NCAPD2: variants seen among roughly 807,000 people sequenced by gnomAD.
The protein encoded by NCAPD2 is condensin complex subunit 1.
NCAPD2 carries 100 observed loss-of-function variants against 164.5 expected under a neutral mutation model. The ratio of observed to expected loss-of-function variants is 0.61; its 90% CI spans 0.52 to 0.72. The LOEUF (loss-of-function observed/expected upper bound fraction) is 0.72. Among genes scored for constraint, NCAPD2 ranks in the 30% least tolerant of loss-of-function variants. The pLI is 0.00. For synonymous variants in NCAPD2, 585 were observed against 642.6 expected, an observed-to-expected ratio of 0.91 and a Z score of 1.36; for missense variants, 1,560 against 1,749.2, an observed-to-expected ratio of 0.89 and a Z score of 1.93.
intron 9 of NCAPD2, 45 bp downstream of exon 9, chr12:6,514,965 A>AAG (rs2137050067): frequency 6.2e-7 from 1 of 1,608,804 alleles, no homozygotes; most frequent in African/African-American, 1.3e-5. Flanking sequence ...TGGGGATTTT[A>AAG]AGTCCAGTGT....
chr12:6,527,100 C>T (rs780197413), intron 22 of NCAPD2, 37 bp downstream of exon 22: 2 of 1,569,940 alleles, frequency 1.3e-6, no homozygotes, highest in African/African-American at 2.7e-5. Context: ...AGATTTATTT[C>T]ATACCTCAGC....
intron 17 of NCAPD2, 21 bp from the exon 18 acceptor site, chr12:6,525,562 C>G (rs770975257): frequency 6.3e-7 from 1 of 1,586,400 alleles, no homozygotes; most frequent in South Asian, 1.1e-5. Flanking sequence ...TTGGCTTGAG[C>G]CCTTTTTCTT....
chr12:6,517,880 C>T lies in NCAPD2; in HGVS notation c.1510C>T (p.Pro504Ser). Residue 504 changes from proline to serine, a missense_variant, in exon 13 of 32, where the codon CCT becomes TCT. Pro to Ser is a moderately conservative substitution (Grantham distance 74). Coordinates refer to ENST00000315579, the MANE Select transcript of NCAPD2 (RefSeq NM_014865.4). ...GCTTCCCCAGGGAGAGGAGGAGATT[C>T]CTGAGCAAATTGCCAATACAGAGAC... ...LQLPQGEEEI[P>S]EQIANTETTE... 6.2e-7 allele frequency: 1 copy of T among 1,614,150 alleles called. No homozygotes were observed. Among genetic ancestry groups the T allele is most frequent in the Non-Finnish European group, 8.5e-7 (1 of 1,180,032 alleles).
intron 1 of NCAPD2, among the ~76,000 whole-genome samples, chr12:6,494,648 A>C (rs1945958815): frequency 6.6e-6 from 1 of 152,240 alleles, no homozygotes; most frequent in Non-Finnish European, 1.5e-5. Context: ...GGAGCTTTGC[A>C]CATAAAAATG....
chr12:6,504,230 T>TACAC (rs1244264606), intron 2 of NCAPD2, among the ~76,000 whole-genome samples: 1 of 78,864 alleles, frequency 1.3e-5, no homozygotes. Flanking sequence ...TATAGATATA[T>TACAC]ATATATATAT....
At chr12:6,520,838 T>G in intron 13 of NCAPD2, 148 bp from the exon 14 acceptor site, 1 of 940,720 alleles carries the variant, frequency 1.1e-6, no homozygotes, top group Non-Finnish European at 1.6e-6. Flanking sequence ...TACCCCTTAG[T>G]AGGTGCTGTA....
intron 2 of NCAPD2, among the ~76,000 whole-genome samples, chr12:6,504,454 G>A (rs1179812105): frequency 7.9e-5 from 12 of 151,478 alleles, no homozygotes; most frequent in Admixed American, 2.0e-4. Flanking sequence ...GTGTGGTGGC[G>A]CGATCTCGGC....
At chr12:6,513,755 G>A (rs948193718) in intron 6 of NCAPD2, among the ~76,000 whole-genome samples, 5 of 110,956 alleles carry the variant, frequency 4.5e-5, no homozygotes, top group East Asian at 2.3e-4. Flanking sequence ...TCGCAATGTC[G>A]CCTGGCCTGG....
Position 6,521,888 on chromosome 12 carries a change from T to C in NCAPD2, c.1805T>C (p.Met602Thr), listed in dbSNP as rs1187600833. Residue 602 changes from methionine to threonine, a missense_variant, in exon 15 of 32, where the codon ATG becomes ACG. Coordinates refer to ENST00000315579, the MANE Select transcript of NCAPD2 (RefSeq NM_014865.4). ...GQTVCKNKPNMSDPEESRGND... is the reference protein window; with the variant it reads ...GQTVCKNKPNTSDPEESRGND... ...ACTGTCTGTAAAAATAAACCCAATA[T>C]GTCGGATCCTGAGGAATCCAGGGGA... is the stretch of plus-strand genomic sequence containing the variant. The C allele has an allele frequency of 1.2e-6, 2 of 1,614,024 alleles. No homozygotes were observed. The highest frequency in any genetic ancestry group is 3.3e-5 in the Admixed American group (2 of 60,014).
At position 6,503,525 on chromosome 12, in the gene NCAPD2, A is replaced by G. The variant is rs1001861564; in HGVS notation, c.128-6192A>G. On this transcript the variant is annotated intron_variant, in intron 2 of 31. Coordinates refer to ENST00000315579, the MANE Select transcript of NCAPD2 (RefSeq NM_014865.4). ...GGTGGCTCACACCTGTAATCCCAGC[A>G]CTTTGGGAGGCCGAGGCGGGCAGAT... Among the ~76,000 whole-genome samples, 3 of 152,082 alleles carry G rather than the reference A, an allele frequency of 2.0e-5. No individual in the cohort carries two copies. In the East Asian group the frequency reaches 5.8e-4, roughly 30 times the overall value.
chr12:6,529,128 C>G, intron 27 of NCAPD2, 89 bp downstream of exon 27: 4 of 1,211,782 alleles, frequency 3.3e-6, no homozygotes, highest in Non-Finnish European at 4.8e-6. Flanking sequence ...ACCTCGGCTA[C>G]TCTTTAGCTG....
At chr12:6,519,715 A>AT (rs1285252534) in intron 13 of NCAPD2, among the ~76,000 whole-genome samples, 1 of 152,030 alleles carries the variant, frequency 6.6e-6, no homozygotes, top group Non-Finnish European at 1.5e-5. Context: ...TTTTAAAAAT[A>AT]TTTATGGCTG....
intron 27 of NCAPD2, 27 bp from the exon 28 acceptor site, chr12:6,529,486 G>A (rs376345123): frequency 3.8e-5 from 61 of 1,605,272 alleles, no homozygotes; most frequent in East Asian, 8.9e-5. Context: ...CTGGGCCATC[G>A]AACATCCTCA....
chr12:6,517,419 GC>G lies in NCAPD2; in HGVS notation c.1241del (p.Ala414GlufsTer6). On this transcript the variant is annotated frameshift_variant, in exon 11 of 32. Coordinates refer to ENST00000315579, the MANE Select transcript of NCAPD2 (RefSeq NM_014865.4). LOFTEE classifies it high-confidence loss of function. ...AVVALAVGRLADKSVLVCKNA... is the reference protein window; with the variant it reads ...AVVALAVGRLXDKSVLVCKNA... The stretch of plus-strand genomic sequence containing the variant: ...GGTGGCTTTAGCTGTGGGACGTCTG[GC>G]AGACAAGTCAGTGCTAGTATGTAAA... 1 of 1,614,224 alleles carries G rather than the reference GC, an allele frequency of 6.2e-7. No individual in the cohort carries two copies. The highest frequency in any genetic ancestry group is 1.7e-5 in the Admixed American group (1 of 60,022).
intron 2 of NCAPD2, among the ~76,000 whole-genome samples, chr12:6,496,011 C>G (rs1190280594): frequency 5.9e-5 from 9 of 151,438 alleles, no homozygotes; most frequent in African/African-American, 2.2e-4. Context: ...CTTGTCTCCT[C>G]TTGGCTTTTC....
Position 6,521,039 on chromosome 12 carries a change from C to T in NCAPD2, c.1643C>T (p.Pro548Leu). 6.2e-7 allele frequency: 1 copy of T among 1,614,150 alleles called. No individual in the cohort carries two copies. Among genetic ancestry groups the T allele is most frequent in the Non-Finnish European group, 8.5e-7 (1 of 1,180,004 alleles). The part of the protein sequence containing the change: ...EATGHFQESE[P>L]FSHIDPEESE... ...ACAGGCCACTTCCAGGAGTCCGAAC[C>T]CTTCAGTCATATAGACCCAGAGGAG... Residue 548 changes from proline (P) to leucine (L), a missense_variant, in exon 14 of 32, where the codon CCC (proline) becomes CTC (leucine). Coordinates refer to ENST00000315579, the MANE Select transcript of NCAPD2 (RefSeq NM_014865.4).
chr12:6,510,390 A>C (rs752126287), intron 4 of NCAPD2: 7 of 779,706 alleles, frequency 9.0e-6, no homozygotes, highest in Non-Finnish European at 1.6e-5. Context: ...CCTCTTTTTA[A>C]TAGGGGTGAT....
intron 3 of NCAPD2, 90 bp downstream of exon 3, chr12:6,509,882 G>A: frequency 7.0e-7 from 1 of 1,431,176 alleles, no homozygotes; most frequent in South Asian, 1.2e-5. Context: ...CAAGTTATAG[G>A]TTCACTGATA....
rs1383569191 is a variant in NCAPD2 at position 6,531,133 on chromosome 12, C to CT, written c.4120+58dup. On this transcript the variant is annotated intron_variant, in intron 31 of 31. Coordinates refer to ENST00000315579, the MANE Select transcript of NCAPD2 (RefSeq NM_014865.4). The surrounding 1 kb of genome is among the most constrained non-coding windows in gnomAD (Gnocchi z 4.1). ...AGGCACACAGCTAGGGTGCAGAGGG[C>CT]TGGTTTCCATAGGACCTGCTGCGGG... The CT allele has an allele frequency of 3.1e-6, 5 of 1,604,064 alleles. No individual in the cohort carries two copies. The African/African-American group carries it at 6.7e-5, about 21-fold the overall frequency.
Sources: allele counts gnomAD v4.1 joint callset (sites outside exome capture counted in the v4.1 genomes callset), GRCh38; gene constraint gnomAD v4.1.1; non-coding constraint Gnocchi (gnomAD v3.1); transcripts MANE v1.5; gene names NCBI Gene and HGNC (gene_info 2026-07-23, HGNC 2026-07-21).